Variants in CFAP69 observed in about 807,000 individuals in gnomAD.
CFAP69 encodes the protein cilia- and flagella-associated protein 69.
In CFAP69, 92 loss-of-function variants were observed where a neutral mutation model predicts 123.0. That is an observed-to-expected ratio of 0.75 (90% confidence interval 0.63 to 0.89). The LOEUF (loss-of-function observed/expected upper bound fraction) is 0.89, where lower values mean the gene tolerates loss of function less well. CFAP69 is among the 40% of genes least tolerant of loss of function. CFAP69 has a pLI of 0.00. For missense variants in CFAP69, 1,067 were observed against 1,096.9 expected, an observed-to-expected ratio of 0.97 and a Z score of 0.39; for synonymous variants, 380 against 364.3, an observed-to-expected ratio of 1.04 and a Z score of -0.49.
chr7:90,293,423 A>G (rs1219329563), intron 15 of CFAP69, among the ~76,000 whole-genome samples: 4 of 152,222 alleles, frequency 2.6e-5, no homozygotes, highest in Non-Finnish European at 5.9e-5. Flanking sequence ...ATTTATGCCA[A>G]TGTTCAGTTT....
At chr7:90,293,209 T>A (rs766840885) in intron 15 of CFAP69, among the ~76,000 whole-genome samples, 1 of 152,212 alleles carries the variant, frequency 6.6e-6, no homozygotes, top group Non-Finnish European at 1.5e-5. Flanking sequence ...GTATGATGTT[T>A]ATACCAAATA....
chr7:90,267,461 A>G (rs1799306831), intron 5 of CFAP69, among the ~76,000 whole-genome samples: 1 of 152,214 alleles, frequency 6.6e-6, no homozygotes, highest in South Asian at 2.1e-4. Context: ...CCAGAGTCCC[A>G]CAGATCATTT....
Position 90,307,781 on chromosome 7 carries a change from A to C in CFAP69, c.2477A>C (p.His826Pro). ...QKVYAKIQATHKQRELANKSW... is the reference protein window; with the variant it reads ...QKVYAKIQATPKQRELANKSW... ...TTCTCATTTCAGATACAGGCCACGC[A>C]CAAGCAAAGAGAGCTGGCTAATAAA... Residue 826 changes from histidine to proline, a missense_variant, in exon 21 of 23, where the codon CAC becomes CCC. His to Pro is a moderately conservative substitution (Grantham distance 77). Transcript: ENST00000389297. 2 of 1,606,236 alleles carry C rather than the reference A, an allele frequency of 1.2e-6. No homozygotes were observed. Among genetic ancestry groups the C allele is most frequent in the Non-Finnish European group, 1.7e-6 (2 of 1,176,560 alleles).
chr7:90,264,784 A>G (rs1312793866), intron 4 of CFAP69, among the ~76,000 whole-genome samples: 1 of 151,806 alleles, frequency 6.6e-6, no homozygotes, highest in Non-Finnish European at 1.5e-5. Flanking sequence ...AGTTCATTAG[A>G]AACATTTTTT....
Position 90,257,340 on chromosome 7 carries a change from G to C in CFAP69, c.181-758G>C, listed in dbSNP as rs1364159776. ...ACATAATGTCTGTAAATGTTTATGG[G>C]GTACTTGTGATATTTTGTTACATGC... On this transcript the variant is annotated intron_variant, in intron 2 of 22. Transcript: ENST00000389297. Among the ~76,000 whole-genome samples the C allele has an allele frequency of 3.3e-5, 5 of 152,086 alleles. No homozygotes were observed. In the East Asian group the frequency reaches 9.6e-4, roughly 29 times the overall value.
In CFAP69 at chr7:90,310,661, C is replaced by T. The variant is rs1022414672; in HGVS notation, c.*423C>T. 1 of 152,720 alleles carries T rather than the reference C, an allele frequency of 6.5e-6. No homozygotes were observed. Among genetic ancestry groups the T allele is most frequent in the African/African-American group, 2.4e-5 (1 of 41,424 alleles). The allele number at this position is 152,720 out of a possible 1,614,324, so 9.5% of individuals were successfully genotyped here. ...GGATCTTCTCCTTCCCTAGCAGCTC[C>T]TGGCTTACATTCTCTTAGGTTCATG... On this transcript the variant is annotated 3_prime_UTR_variant, in exon 23 of 23. Coordinates refer to ENST00000389297, the MANE Select transcript of CFAP69 (RefSeq NM_001039706.3).
At chr7:90,278,419 TTATTATTTGTGAC>T (rs1788924153) in intron 11 of CFAP69, among the ~76,000 whole-genome samples, 1 of 152,134 alleles carries the variant, frequency 6.6e-6, no homozygotes, top group South Asian at 2.1e-4. Context: ...AATTATAACT[TTATTATTTGTGAC>T]AAAAAAATAC....
chr7:90,258,013 AGT>A, intron 2 of CFAP69, 83 bp from the exon 3 acceptor site: 1 of 809,340 alleles, frequency 1.2e-6, no homozygotes, highest in Non-Finnish European at 2.0e-6. Flanking sequence ...ATAATTTTAA[AGT>A]GTCTACTTTT....
At chr7:90,293,014 G>A (rs1273427517) in intron 15 of CFAP69, among the ~76,000 whole-genome samples, 1 of 152,074 alleles carries the variant, frequency 6.6e-6, no homozygotes, top group Non-Finnish European at 1.5e-5. Flanking sequence ...GATTGACAAA[G>A]CAATTTAGTT....
chr7:90,245,343 CG>C lies in CFAP69; in HGVS notation c.-78del. 2 of 1,429,984 alleles carry C rather than the reference CG, an allele frequency of 1.4e-6. No individual in the cohort carries two copies. Among genetic ancestry groups the C allele is most frequent in the South Asian group, 1.6e-5 (1 of 64,118 alleles). 88.6% of individuals were successfully genotyped at this position (1,429,984 alleles called of 1,614,324 possible). A position where few individuals can be genotyped will look rare whatever the true frequency, so the allele number is the denominator to read the frequency against. On this transcript the variant is annotated 5_prime_UTR_variant, in exon 1 of 23. Transcript: ENST00000389297. ...TCAGGCTGCCTTCCCTTCTCGGTGGCGGGGCCTCTTTGGGCCCAGCGGCTGC... is the reference window on the plus strand; with the variant it reads ...TCAGGCTGCCTTCCCTTCTCGGTGGCGGGCCTCTTTGGGCCCAGCGGCTGC...
At chr7:90,271,012 TAATG>T (rs1799873753) in intron 6 of CFAP69, among the ~76,000 whole-genome samples, 1 of 148,922 alleles carries the variant, frequency 6.7e-6, no homozygotes, top group African/African-American at 2.6e-5. Context: ...AGTACTGAAG[TAATG>T]CATTGAACCT....
chr7:90,264,815 G>A (rs1236220082), intron 4 of CFAP69, among the ~76,000 whole-genome samples: 1 of 151,154 alleles, frequency 6.6e-6, no homozygotes, highest in African/African-American at 2.4e-5. Context: ...CTTTTTGATG[G>A]AGGCTCGCTC....
At chr7:90,321,463 C>T in the CFAP69 span, among the ~76,000 whole-genome samples, 1 of 152,248 alleles carries the variant, frequency 6.6e-6, no homozygotes, top group Non-Finnish European at 1.5e-5. Flanking sequence ...CCGCTGCTCT[C>T]GCCTCTCCTG....
chr7:90,319,969 T>G, the CFAP69 span, among the ~76,000 whole-genome samples: 1 of 152,208 alleles, frequency 6.6e-6, no homozygotes, highest in African/African-American at 2.4e-5. Context: ...GTCTTTGAAA[T>G]GCAACACATT....
At chr7:90,275,590 CTTTTT>C (rs57578763) in intron 9 of CFAP69, among the ~76,000 whole-genome samples, 70 of 62,066 alleles carry the variant, frequency 1.1e-3, no homozygotes, top group Middle Eastern at 0.017. Context: ...GGCCAAAAGC[CTTTTT>C]TTTTTTTTTT....
At chr7:90,270,200 G>C (rs773236010) in intron 6 of CFAP69, 1 of 152,134 alleles carries the variant, frequency 6.6e-6, no homozygotes, top group Non-Finnish European at 1.5e-5. Context: ...CAGGAATTAA[G>C]TCCATGAGCT....
intron 4 of CFAP69, among the ~76,000 whole-genome samples, chr7:90,263,381 T>G (rs1798599881): frequency 6.6e-6 from 1 of 152,206 alleles, no homozygotes; most frequent in Admixed American, 6.5e-5. Flanking sequence ...AGAATAATAA[T>G]GTCAAGCCTT....
In CFAP69 at chr7:90,288,252, G is replaced by A; in HGVS notation, c.1675G>A (p.Gly559Arg). ...IQRKEIFGTE[G>R]VDIVLHVMKT... ...TAAACAGGAAATTTTCGGAACTGAA[G>A]GAGTAGATATCGTTCTTCATGTGAT... The change falls in exon 15 of 23, where the codon GGA becomes AGA. Residue 559 changes from glycine (G) to arginine (R), a missense_variant. Transcript: ENST00000389297. 1 of 1,608,188 alleles carries A rather than the reference G, an allele frequency of 6.2e-7. No individual in the cohort carries two copies. Among genetic ancestry groups the A allele is most frequent in the Non-Finnish European group, 8.5e-7 (1 of 1,175,824 alleles).
chr7:90,283,909 G>A (rs1789862487), intron 13 of CFAP69, among the ~76,000 whole-genome samples: 1 of 151,938 alleles, frequency 6.6e-6, no homozygotes, highest in African/African-American at 2.4e-5. Context: ...AATAATATAG[G>A]AAATAGCAGG....
Sources: allele counts gnomAD v4.1 joint callset (sites outside exome capture counted in the v4.1 genomes callset), GRCh38; gene constraint gnomAD v4.1.1; transcripts MANE v1.5; gene names NCBI Gene and HGNC (gene_info 2026-07-23, HGNC 2026-07-21).